The following ATP6V1C2 variants were observed in gnomAD, a reference collection of about 807,000 sequenced individuals.
ATP6V1C2 encodes the protein ATPase H+ transporting V1 subunit C2, also known as V-type proton ATPase subunit C 2.
In ATP6V1C2, 45 loss-of-function variants were observed where a neutral mutation model predicts 56.8. The ratio of observed to expected loss-of-function variants is 0.79; its 90% CI spans 0.62 to 1.02. The LOEUF (loss-of-function observed/expected upper bound fraction) is 1.02, where lower values mean the gene tolerates loss of function less well. Ranked by LOEUF, ATP6V1C2 falls within the 50% of genes least tolerant of loss-of-function variation. The pLI, the probability that ATP6V1C2 is intolerant of heterozygous loss-of-function variation, is 0.00. For missense variants in ATP6V1C2, 463 were observed against 519.7 expected (o/e 0.89, Z 1.06); for synonymous variants, 220 against 201.3 (o/e 1.09, Z -0.79).
intron 4 of ATP6V1C2, among the ~76,000 whole-genome samples, chr2:10,758,813 C>T (rs530549609): frequency 2.6e-4 from 40 of 152,172 alleles, no homozygotes; most frequent in Non-Finnish European, 5.0e-4. Context: ...TAGTCCCAGG[C>T]GTGTGCCACC....
chr2:10,742,815 C>T (rs1156820082), intron 3 of ATP6V1C2, among the ~76,000 whole-genome samples: 3 of 152,176 alleles, frequency 2.0e-5, no homozygotes, highest in African/African-American at 4.8e-5. Flanking sequence ...GGAAAGGGCA[C>T]GTTCGGTACA....
At chr2:10,726,670 A>T (rs1661657252) in intron 3 of ATP6V1C2, 101 bp downstream of exon 3, 1 of 1,118,940 alleles carries the variant, frequency 8.9e-7, no homozygotes, top group African/African-American at 1.5e-5. Flanking sequence ...GGACTTGTCT[A>T]GACCTGGTTC....
chr2:10,722,690 G>C, intron 1 of ATP6V1C2, 134 bp from the exon 2 acceptor site: 2 of 986,836 alleles, frequency 2.0e-6, no homozygotes, highest in Non-Finnish European at 2.9e-6. Context: ...TAAGAGCTTT[G>C]CTTTTGCAAA....
rs201333940 is a variant in ATP6V1C2, at chr2:10,777,598, T to C, written c.839T>C (p.Val280Ala). 241 of 1,613,000 alleles carry C rather than the reference T, an allele frequency of 1.5e-4. No individual in the cohort carries two copies. Among genetic ancestry groups the C allele is most frequent in the Non-Finnish European group, 1.9e-4 (228 of 1,179,802 alleles). The change falls in exon 11 of 14, where the codon GTT (valine) becomes GCT (alanine). Residue 280 changes from valine to alanine, a missense_variant. Transcript: ENST00000272238. ...DKKQQYQTSC[V>A]ALKKGSSTFP... ...CTGTGCCTTTAGCAAACTTCCTGTG[T>C]TGCTCTTAAAAAGGGATCATCCACC...
At chr2:10,779,217 G>A (rs1274273682) in intron 12 of ATP6V1C2, among the ~76,000 whole-genome samples, 1 of 151,318 alleles carries the variant, frequency 6.6e-6, no homozygotes, top group Non-Finnish European at 1.5e-5. Context: ...AGATTCTCCT[G>A]TCTCAGCCTC....
At chr2:10,737,732 C>A (rs937596272) in intron 3 of ATP6V1C2, among the ~76,000 whole-genome samples, 1 of 152,152 alleles carries the variant, frequency 6.6e-6, no homozygotes, top group Non-Finnish European at 1.5e-5. Flanking sequence ...CTCTGTCGCC[C>A]AGGCTGGAGT....
At chr2:10,727,047 T>C (rs902906422) in intron 3 of ATP6V1C2, among the ~76,000 whole-genome samples, 31 of 142,864 alleles carry the variant, frequency 2.2e-4, no homozygotes, top group African/African-American at 8.3e-4. Flanking sequence ...CTTCCTTCCT[T>C]CCTTCCTCCC....
At chr2:10,734,710 G>T (rs893987707) in intron 3 of ATP6V1C2, among the ~76,000 whole-genome samples, 1 of 152,112 alleles carries the variant, frequency 6.6e-6, no homozygotes, top group Non-Finnish European at 1.5e-5. Flanking sequence ...TGCCCTGGGG[G>T]ACTCTGTGCC....
At chr2:10,762,709 C>T (rs1301066138) in intron 4 of ATP6V1C2, among the ~76,000 whole-genome samples, 1 of 152,116 alleles carries the variant, frequency 6.6e-6, no homozygotes, top group Non-Finnish European at 1.5e-5. Flanking sequence ...CCATCCCCAT[C>T]CCTCCCACCT....
chr2:10,723,905 G>T (rs566474904), intron 2 of ATP6V1C2, among the ~76,000 whole-genome samples: 4 of 151,484 alleles, frequency 2.6e-5, no homozygotes, highest in Middle Eastern at 3.4e-3. Flanking sequence ...GGGATTACAG[G>T]CGTGTGCCAC....
At chr2:10,722,276 T>C (rs1279257957) in intron 1 of ATP6V1C2, among the ~76,000 whole-genome samples, 1 of 151,784 alleles carries the variant, frequency 6.6e-6, no homozygotes, top group Non-Finnish European at 1.5e-5. Context: ...AAAAAGACTT[T>C]AGTAGTTCCC....
At chr2:10,755,227 G>T (rs1330730753) in intron 4 of ATP6V1C2, among the ~76,000 whole-genome samples, 2 of 151,748 alleles carry the variant, frequency 1.3e-5, no homozygotes, top group African/African-American at 2.4e-5. Context: ...GTAGAGACGG[G>T]GTTTCTCCAT....
At chr2:10,770,482 A>G (rs1415610753) in intron 6 of ATP6V1C2, among the ~76,000 whole-genome samples, 1 of 152,236 alleles carries the variant, frequency 6.6e-6, no homozygotes, top group Non-Finnish European at 1.5e-5. Context: ...TGAGCTATGG[A>G]GGATGGGACA....
chr2:10,730,614 T>C (rs1008261824), intron 3 of ATP6V1C2, among the ~76,000 whole-genome samples: 2 of 151,096 alleles, frequency 1.3e-5, no homozygotes, highest in African/African-American at 4.9e-5. Flanking sequence ...TGGGTTTTTT[T>C]TTTTTTTTTT....
intron 3 of ATP6V1C2, among the ~76,000 whole-genome samples, chr2:10,735,960 T>C (rs1203095501): frequency 6.6e-6 from 1 of 152,198 alleles, no homozygotes; most frequent in African/African-American, 2.4e-5. Flanking sequence ...TCTGCATTTC[T>C]TGCAAGCTCC....
At chr2:10,739,243 A>T (rs1572521673) in intron 3 of ATP6V1C2, among the ~76,000 whole-genome samples, 1 of 152,150 alleles carries the variant, frequency 6.6e-6, no homozygotes, top group Non-Finnish European at 1.5e-5. Context: ...AGATCTCGCC[A>T]TGGCACTCCA....
At chr2:10,725,912 T>G (rs1438665586) in intron 2 of ATP6V1C2, among the ~76,000 whole-genome samples, 2 of 151,576 alleles carry the variant, frequency 1.3e-5, no homozygotes, top group Non-Finnish European at 2.9e-5. Context: ...AAACCCTGTC[T>G]CTACTAAAAA....
At chr2:10,751,342 C>G (rs1299446424) in intron 3 of ATP6V1C2, among the ~76,000 whole-genome samples, 1 of 152,170 alleles carries the variant, frequency 6.6e-6, no homozygotes, top group African/African-American at 2.4e-5. Flanking sequence ...CTTGCAGACT[C>G]TGATACCTCA....
At chr2:10,778,806 C>T (rs76975255) in intron 12 of ATP6V1C2, 137 bp downstream of exon 12, 16,251 of 768,880 alleles carry the variant, frequency 0.021, 251 homozygotes, top group Non-Finnish European at 0.027. Context: ...GTTGGCAACA[C>T]GCTCAATTCC....
Sources: gnomAD v4.1 joint callset for allele counts (sites outside exome capture counted in the v4.1 genomes callset) on GRCh38, gnomAD v4.1.1 for gene constraint, MANE v1.5 for transcripts, NCBI Gene and HGNC (gene_info 2026-07-23, HGNC 2026-07-21) for gene names.